Variants in MVK observed in about 807,000 individuals in gnomAD.
The protein encoded by MVK is mevalonate kinase.
A neutral mutation model predicts 43.2 loss-of-function variants in MVK; 34 were observed. The observed-to-expected ratio is 0.79, with a 90% CI of 0.60 to 1.05. The LOEUF is 1.05. MVK is among the 50% of genes least tolerant of loss of function. MVK has a pLI of 0.00. For missense variants in MVK, 395 were observed against 504.0 expected (o/e 0.78, Z 2.07); for synonymous variants, 190 against 219.8 (o/e 0.86, Z 1.20).
intron 3 of MVK, among the ~76,000 whole-genome samples, chr12:109,578,783 C>A (rs1885074132): frequency 6.6e-6 from 1 of 152,216 alleles, no homozygotes; most frequent in Non-Finnish European, 1.5e-5. Flanking sequence ...ATGCCCAATT[C>A]CATTTCCCAG....
chr12:109,582,676 C>T (rs1293079370), intron 5 of MVK, among the ~76,000 whole-genome samples: 1 of 146,042 alleles, frequency 6.8e-6, no homozygotes, highest in Non-Finnish European at 1.5e-5. Flanking sequence ...AGCCCAGTCT[C>T]CTTTGAAGAC....
At chr12:109,589,555 A>G (rs1218776247) in intron 7 of MVK, 1 of 152,174 alleles carries the variant, frequency 6.6e-6, no homozygotes, top group African/African-American at 2.4e-5. Context: ...GGGAAGAGAA[A>G]AGCCAAATAG....
At position 109,587,444 on chromosome 12, in the gene MVK, T is replaced by C. The variant is rs994340349; in HGVS notation, c.677+645T>C. Among the ~76,000 whole-genome samples, 34 of 152,320 alleles carry C rather than the reference T, an allele frequency of 2.2e-4. 1 individual carries two copies. In the Middle Eastern group the frequency reaches 0.01, roughly 46 times the overall value. The stretch of plus-strand genomic sequence containing the variant: ...TGTTCTGTTTGCGATTTCAGCATCC[T>C]CTGTTCTGTTTGCACCCACGGCAGA... On this transcript the variant is annotated intron_variant, in intron 7 of 10. Coordinates refer to ENST00000228510, the MANE Select transcript of MVK (RefSeq NM_000431.4).
chr12:109,596,529 A>T lies in MVK; in HGVS notation c.1143A>T (p.Ser381=), dbSNP rs1381024131. The stretch of plus-strand genomic sequence containing the variant: ...GTGCCCCCGGCGTCTCCATCCACTC[A>T]GCCACCTCCCTGGACAGCCGAGTCC... ...SIGAPGVSIH[S]ATSLDSRVQQ... Residue 381 remains serine, a synonymous_variant, in exon 11 of 11, where the codon TCA becomes TCT. Transcript: ENST00000228510. 5.0e-6 allele frequency: 8 copies of T among 1,612,380 alleles called. No homozygotes were observed. In the East Asian group the frequency reaches 1.8e-4, roughly 36 times the overall value.
At chr12:109,573,306 C>T (rs1884728221), upstream of MVK, 1 of 1,611,806 alleles carries the variant, frequency 6.2e-7, no homozygotes, top group Admixed American at 1.7e-5. Context: ...CACCACGATT[C>T]ACGGCAGGTG....
chr12:109,596,346 T>C, intron 10 of MVK, 80 bp from the exon 11 acceptor site: 18 of 1,548,364 alleles, frequency 1.2e-5, no homozygotes, highest in Non-Finnish European at 1.6e-5. Context: ...CAGGAAGGCC[T>C]GGGCTTTTGC....
upstream of MVK, chr12:109,573,793 C>A: frequency 2.6e-6 from 1 of 391,026 alleles, no homozygotes; most frequent in Admixed American, 3.9e-5. Flanking sequence ...GAGGCACGGG[C>A]GCTCTGGGTT....
Position 109,595,258 on chromosome 12 carries a change from G to A in MVK, c.1039+77G>A. 1 of 1,578,040 alleles carries A rather than the reference G, an allele frequency of 6.3e-7. No individual in the cohort carries two copies. Among genetic ancestry groups the A allele is most frequent in the Non-Finnish European group, 8.6e-7 (1 of 1,164,264 alleles). The stretch of plus-strand genomic sequence containing the variant: ...TCCACCTGGAGAATTCCCTTGAAAG[G>A]AAAAAGAGACCTGGAAACAGGTCTC... On this transcript the variant is annotated intron_variant, in intron 10 of 10. Transcript: ENST00000228510. This position sits in a 1 kb window ranked among gnomAD's most constrained non-coding sequence, Gnocchi z 5.9.
chr12:109,590,956 G>A, intron 8 of MVK, 95 bp downstream of exon 8: 1 of 1,318,334 alleles, frequency 7.6e-7, no homozygotes, highest in Non-Finnish European at 1.1e-6. Context: ...TGGGTTATAG[G>A]GGGTGTGGTG....
chr12:109,573,499 G>A (rs1884752804), upstream of MVK: 1 of 1,591,116 alleles, frequency 6.3e-7, no homozygotes, highest in Non-Finnish European at 8.5e-7. Flanking sequence ...CTGCTTGACG[G>A]GACCTGACCC....
At chr12:109,588,813 G>A (rs1885552779) in intron 7 of MVK, 1 of 152,324 alleles carries the variant, frequency 6.6e-6, no homozygotes, top group Admixed American at 6.5e-5. Flanking sequence ...ATACTTTGTT[G>A]GGAGAGGAGA....
chr12:109,596,553 C>A lies in MVK; in HGVS notation c.1167C>A (p.Val389=). Residue 389 remains valine (V), a synonymous_variant, in exon 11 of 11, where the codon GTC becomes GTA. Coordinates refer to ENST00000228510, the MANE Select transcript of MVK (RefSeq NM_000431.4). ...IHSATSLDSR[V]QQALDGL ...CAGCCACCTCCCTGGACAGCCGAGTCCAGCAAGCCCTGGATGGCCTCTGAG... is the reference window on the plus strand; with the variant it reads ...CAGCCACCTCCCTGGACAGCCGAGTACAGCAAGCCCTGGATGGCCTCTGAG... 6.2e-7 allele frequency: 1 copy of A among 1,611,228 alleles called. No homozygotes were observed. The highest frequency in any genetic ancestry group is 8.5e-7 in the Non-Finnish European group (1 of 1,179,970).
At chr12:109,590,920 G>A (rs980982404) in intron 8 of MVK, 59 bp downstream of exon 8, 1 of 1,552,158 alleles carries the variant, frequency 6.4e-7, no homozygotes, top group African/African-American at 1.4e-5. Context: ...ATTACATCTG[G>A]ATTTTCGAGG....
At chr12:109,594,321 G>A (rs1019333729) in intron 9 of MVK, among the ~76,000 whole-genome samples, 8 of 152,184 alleles carry the variant, frequency 5.3e-5, no homozygotes, top group Non-Finnish European at 1.0e-4. Flanking sequence ...TAAAGAGCAG[G>A]AAGTTTATCC....
chr12:109,592,479 G>A (rs1374045373), intron 9 of MVK, among the ~76,000 whole-genome samples: 3 of 152,188 alleles, frequency 2.0e-5, no homozygotes, highest in Non-Finnish European at 2.9e-5. Context: ...CCCTCCCCGC[G>A]CCCCGCACTC....
chr12:109,585,662 G>C (rs771740445), intron 5 of MVK, among the ~76,000 whole-genome samples: 2 of 152,152 alleles, frequency 1.3e-5, no homozygotes, highest in Non-Finnish European at 2.9e-5. Flanking sequence ...CCAGCTGCTC[G>C]GGAGGCTGAG....
chr12:109,582,278 TTTTTG>T (rs767866132), intron 5 of MVK, among the ~76,000 whole-genome samples: 14 of 150,170 alleles, frequency 9.3e-5, no homozygotes, highest in Middle Eastern at 3.4e-3. Flanking sequence ...CCTGGGCTTG[TTTTTG>T]TTTTGTTTTG....
chr12:109,595,276 C>T lies in MVK; in HGVS notation c.1039+95C>T, dbSNP rs141694192. On this transcript the variant is annotated intron_variant, in intron 10 of 10. Coordinates refer to ENST00000228510, the MANE Select transcript of MVK (RefSeq NM_000431.4). The surrounding 1 kb of genome is among the most constrained non-coding windows in gnomAD (Gnocchi z 5.9). ...TTGAAAGGAAAAAGAGACCTGGAAA[C>T]AGGTCTCAGCTCCGCTGTGTGGCCT... 2.0e-5 allele frequency: 30 copies of T among 1,510,002 alleles called. No individual in the cohort carries two copies. In the East Asian group the frequency reaches 6.2e-4, roughly 31 times the overall value. The allele number at this position is 1,510,002 out of a possible 1,614,324, so 93.5% of individuals were successfully genotyped here. A position where few individuals can be genotyped will look rare whatever the true frequency, so the allele number is the denominator to read the frequency against.
At chr12:109,576,213 G>A in intron 3 of MVK, 68 bp downstream of exon 3, 2 of 1,604,354 alleles carry the variant, frequency 1.2e-6, no homozygotes, top group Non-Finnish European at 1.7e-6. Context: ...CAGGTATTCT[G>A]GGCTGTCCCC....
Sources: gnomAD v4.1 joint callset for allele counts (sites outside exome capture counted in the v4.1 genomes callset) on GRCh38, gnomAD v4.1.1 for gene constraint, Gnocchi (gnomAD v3.1) non-coding constraint, MANE v1.5 for transcripts, NCBI Gene and HGNC (gene_info 2026-07-23, HGNC 2026-07-21) for gene names.